The following IL1RAPL2 variants were observed in gnomAD, a reference collection of about 807,000 sequenced individuals.
IL1RAPL2 encodes the protein X-linked interleukin-1 receptor accessory protein-like 2.
IL1RAPL2 carries 3 observed loss-of-function variants against 44.1 expected under a neutral mutation model. The observed-to-expected ratio is 0.07, with a 90% CI of 0.03 to 0.18. The LOEUF (loss-of-function observed/expected upper bound fraction) is 0.18, where lower values mean the gene tolerates loss of function less well. Ranked by LOEUF, IL1RAPL2 falls within the 10% of genes least tolerant of loss-of-function variation. IL1RAPL2 has a pLI of 1.00. For synonymous variants in IL1RAPL2, 181 were observed against 178.8 expected, an observed-to-expected ratio of 1.01 and a Z score of -0.10; for missense variants, 391 against 496.4, an observed-to-expected ratio of 0.79 and a Z score of 2.02.
intron 6 of IL1RAPL2, among the ~76,000 whole-genome samples, chrX:105,539,434 T>C (rs2036703328): frequency 8.9e-6 from 1 of 111,737 alleles, no homozygotes; most frequent in Non-Finnish European, 1.9e-5. Context: ...AAGGACCTCT[T>C]ATTCAATAAA....
intron 1 of IL1RAPL2, among the ~76,000 whole-genome samples, chrX:104,630,510 C>A (rs1347179863): frequency 1.9e-5 from 2 of 106,795 alleles, no homozygotes; most frequent in African/African-American, 3.4e-5. Flanking sequence ...GTTGGCCAGA[C>A]TGGTCTCGAA....
chrX:104,599,050 T>C (rs1358735853), intron 1 of IL1RAPL2, among the ~76,000 whole-genome samples: 2 of 111,683 alleles, frequency 1.8e-5, no homozygotes, highest in Non-Finnish European at 3.8e-5. Flanking sequence ...TGAGTTATTT[T>C]TGAGGATAGT....
At chrX:105,732,406 T>C (rs1457108915) in intron 7 of IL1RAPL2, among the ~76,000 whole-genome samples, 3 of 110,310 alleles carry the variant, frequency 2.7e-5, no homozygotes, top group African/African-American at 9.9e-5. Context: ...GCTGTTCTCA[T>C]GATAGTGAGT....
chrX:105,094,388 T>G (rs2147556471), intron 2 of IL1RAPL2, among the ~76,000 whole-genome samples: 1 of 111,914 alleles, frequency 8.9e-6, no homozygotes, highest in South Asian at 3.7e-4. Flanking sequence ...ATCATACATA[T>G]GCATATATAT....
At chrX:104,777,672 G>A (rs1431403883) in intron 2 of IL1RAPL2, among the ~76,000 whole-genome samples, 2 of 108,670 alleles carry the variant, frequency 1.8e-5, no homozygotes, top group Non-Finnish European at 3.8e-5. Context: ...GGCCTCCCCG[G>A]TTCAAGCAAT....
intron 5 of IL1RAPL2, among the ~76,000 whole-genome samples, chrX:105,344,632 T>C (rs1602367650): frequency 8.9e-6 from 1 of 112,038 alleles, no homozygotes. Flanking sequence ...AGTTCATTCA[T>C]AGGACAAGTA....
chrX:105,495,693 AAG>A (rs1217952534), intron 6 of IL1RAPL2, among the ~76,000 whole-genome samples: 1 of 111,520 alleles, frequency 9.0e-6, no homozygotes, highest in Non-Finnish European at 1.9e-5. Context: ...TTGTTGGCAA[AAG>A]AACAAAAATA....
At position 104,878,454 on chromosome X, in the gene IL1RAPL2, G is replaced by T. The variant is rs143175475; in HGVS notation, c.82+219459G>T. 7.3e-3 allele frequency among the ~76,000 whole-genome samples: 817 copies of T among 111,920 alleles called. 8 individuals carry two copies. The highest frequency in any genetic ancestry group is 0.024 in the African/African-American group (755 of 30,850). ...ACATTTCAAAGATACAGAAACTGAGGCACAGGAAAGTTAAATAGATTGCTC... is the reference window on the plus strand; with the variant it reads ...ACATTTCAAAGATACAGAAACTGAGTCACAGGAAAGTTAAATAGATTGCTC... On this transcript the variant is annotated intron_variant, in intron 2 of 10. Transcript: ENST00000372582.
chrX:105,154,422 T>G (rs2147591063), intron 2 of IL1RAPL2, among the ~76,000 whole-genome samples: 1 of 111,596 alleles, frequency 9.0e-6, no homozygotes, highest in African/African-American at 3.3e-5. Context: ...ATATCAGAAT[T>G]GTTGGTTGAT....
chrX:105,157,079 G>A (rs1241268603), intron 2 of IL1RAPL2, among the ~76,000 whole-genome samples: 1 of 99,716 alleles, frequency 1.0e-5, no homozygotes, highest in Non-Finnish European at 2.0e-5. Context: ...CACCTTCTAT[G>A]CTAGCATTAA....
intron 1 of IL1RAPL2, among the ~76,000 whole-genome samples, chrX:104,625,241 TCTTA>T (rs1172285050): frequency 3.6e-5 from 4 of 111,261 alleles, no homozygotes; most frequent in African/African-American, 6.5e-5. Context: ...CCAAATTATT[TCTTA>T]CTTACTTATT....
chrX:104,958,355 C>A (rs759950436), intron 2 of IL1RAPL2, among the ~76,000 whole-genome samples: 41 of 107,819 alleles, frequency 3.8e-4, no homozygotes, highest in Admixed American at 1.1e-3. Flanking sequence ...AACCTGACTA[C>A]CAGGTCAGAC....
At chrX:105,365,349 G>A (rs2035285975) in intron 5 of IL1RAPL2, among the ~76,000 whole-genome samples, 1 of 111,356 alleles carries the variant, frequency 9.0e-6, no homozygotes, top group Non-Finnish European at 1.9e-5. Context: ...AGGAATATTG[G>A]CCTGTAGTTT....
At chrX:105,355,224 A>G (rs944078002) in intron 5 of IL1RAPL2, among the ~76,000 whole-genome samples, 4 of 111,592 alleles carry the variant, frequency 3.6e-5, no homozygotes, top group Non-Finnish European at 5.6e-5. Context: ...TTAATACAAG[A>G]TATGTGGTAC....
At chrX:104,953,328 AATAAC>A (rs1472103394) in intron 2 of IL1RAPL2, among the ~76,000 whole-genome samples, 2 of 111,967 alleles carry the variant, frequency 1.8e-5, no homozygotes, top group African/African-American at 3.2e-5. Flanking sequence ...CTCAGAGGAA[AATAAC>A]ATAACTAAGT....
At chrX:104,833,582 A>AC (rs1704655492) in intron 2 of IL1RAPL2, among the ~76,000 whole-genome samples, 2 of 111,937 alleles carry the variant, frequency 1.8e-5, no homozygotes, top group African/African-American at 6.5e-5. Context: ...ATATGGTTCT[A>AC]CCAGAAACCT....
At chrX:105,233,519 T>C (rs1191153273) in intron 3 of IL1RAPL2, among the ~76,000 whole-genome samples, 3 of 112,085 alleles carry the variant, frequency 2.7e-5, no homozygotes, top group African/African-American at 9.7e-5. Context: ...TATCAGATTT[T>C]CAACATAGCA....
chrX:105,420,212 C>T (rs2035764316), intron 5 of IL1RAPL2, among the ~76,000 whole-genome samples: 1 of 111,155 alleles, frequency 9.0e-6, no homozygotes, highest in African/African-American at 3.3e-5. Flanking sequence ...GTGTTAGGCT[C>T]CACTCTGAAA....
intron 2 of IL1RAPL2, among the ~76,000 whole-genome samples, chrX:104,831,896 A>G (rs1174298829): frequency 1.8e-5 from 2 of 112,105 alleles, no homozygotes; most frequent in Non-Finnish European, 3.8e-5. Context: ...ATCTCTTCTT[A>G]CTATTCTGCT....
Sources: gnomAD v4.1 joint callset for allele counts (sites outside exome capture counted in the v4.1 genomes callset) on GRCh38, gnomAD v4.1.1 for gene constraint, MANE v1.5 for transcripts, NCBI Gene and HGNC (gene_info 2026-07-23, HGNC 2026-07-21) for gene names.